Variants in STAU2 observed in about 807,000 individuals in gnomAD.
The protein encoded by STAU2 is double-stranded RNA-binding protein Staufen homolog 2.
Under a neutral mutation model 65.9 loss-of-function variants are expected in STAU2, and 20 were observed. The ratio of observed to expected loss-of-function variants is 0.30; its 90% CI spans 0.21 to 0.44. STAU2 has a LOEUF of 0.44. Among genes scored for constraint, STAU2 ranks in the 20% least tolerant of loss-of-function variants. STAU2 has a pLI of 1.00. For missense variants in STAU2, 558 were observed against 683.9 expected (o/e 0.82, Z 2.05); for synonymous variants, 232 against 233.9 (o/e 0.99, Z 0.07).
intron 13 of STAU2, among the ~76,000 whole-genome samples, chr8:73,464,190 A>G (rs1819523415): frequency 6.6e-6 from 1 of 152,150 alleles, no homozygotes; most frequent in South Asian, 2.1e-4. Context: ...GCTCCTAAGA[A>G]ACAGGCTGGC....
At chr8:73,523,021 C>T (rs1258806947) in intron 13 of STAU2, among the ~76,000 whole-genome samples, 1 of 151,796 alleles carries the variant, frequency 6.6e-6, no homozygotes, top group Non-Finnish European at 1.5e-5. Flanking sequence ...CATGGTGAAA[C>T]CCCGTCTCTA....
intron 10 of STAU2, among the ~76,000 whole-genome samples, chr8:73,598,142 G>GC (rs1303430261): frequency 6.6e-6 from 1 of 151,464 alleles, no homozygotes; most frequent in Non-Finnish European, 1.5e-5. Flanking sequence ...AGGAATGCAA[G>GC]TTTGGTTTAA....
intron 13 of STAU2, among the ~76,000 whole-genome samples, chr8:73,548,872 T>G (rs1463475276): frequency 6.6e-6 from 1 of 152,164 alleles, no homozygotes; most frequent in Non-Finnish European, 1.5e-5. Context: ...CACTTTCATT[T>G]TCAACCTAAT....
intron 13 of STAU2, chr8:73,550,247 AT>A (rs1807233690): frequency 1.0e-6 from 1 of 985,266 alleles, no homozygotes; most frequent in African/African-American, 1.7e-5. Flanking sequence ...AGAGTATATT[AT>A]GTAAGCATAA....
chr8:73,575,124 C>G (rs542949695), intron 12 of STAU2, among the ~76,000 whole-genome samples: 59 of 17,160 alleles, frequency 3.4e-3, no homozygotes, highest in African/African-American at 0.011. Flanking sequence ...ACAGTCCTAC[C>G]AAGTAAAAAA....
At chr8:73,630,176 G>C (rs1052802807) in intron 6 of STAU2, among the ~76,000 whole-genome samples, 1 of 152,066 alleles carries the variant, frequency 6.6e-6, no homozygotes, top group Non-Finnish European at 1.5e-5. Context: ...AAATCCTCTG[G>C]GGAATGCACT....
In STAU2 at chr8:73,709,052, T is replaced by C. The variant is rs910752437; in HGVS notation, c.94A>G (p.Arg32Gly). Reference protein sequence around the residue: ...VQPQYKLLNERGPAHSKMFSV... With the variant: ...VQPQYKLLNEGGPAHSKMFSV... ...CTTACCTTTGAATGAGCAGGCCCTCTTTCATTCAGAAGTTTATACTGGGGT... is the reference window on the plus strand; with the variant it reads ...CTTACCTTTGAATGAGCAGGCCCTCCTTCATTCAGAAGTTTATACTGGGGT... The change falls in exon 4 of 15, where the codon AGA (arginine) becomes GGA (glycine). Residue 32 changes from arginine to glycine, a missense_variant. Transcript: ENST00000524300. 11 of 1,529,762 alleles carry C rather than the reference T, an allele frequency of 7.2e-6. No individual in the cohort carries two copies. In the Admixed American group the frequency reaches 2.0e-4, roughly 28 times the overall value. 94.8% of individuals were successfully genotyped at this position (1,529,762 alleles called of 1,614,324 possible).
intron 13 of STAU2, among the ~76,000 whole-genome samples, chr8:73,442,353 CA>C (rs10606663): frequency 0.012 from 1,205 of 100,120 alleles, 2 homozygotes; most frequent in African/African-American, 0.028. Context: ...GACTCCGTCT[CA>C]AAAAAAAAAA....
At chr8:73,422,429 A>G (rs892554276) in intron 14 of STAU2, among the ~76,000 whole-genome samples, 185 bp downstream of exon 14, 1 of 152,250 alleles carries the variant, frequency 6.6e-6, no homozygotes, top group African/African-American at 2.4e-5. Flanking sequence ...ACTTTCACAG[A>G]AATATTACAG....
chr8:73,679,724 CA>C (rs200202936), intron 5 of STAU2, among the ~76,000 whole-genome samples: 10,971 of 137,280 alleles, frequency 0.08, 437 homozygotes, highest in Middle Eastern at 0.15. Context: ...ACTAAAAATA[CA>C]AAAAAAAAAA....
At chr8:73,594,793 A>G (rs1811068404) in intron 11 of STAU2, among the ~76,000 whole-genome samples, 1 of 152,186 alleles carries the variant, frequency 6.6e-6, no homozygotes, top group Non-Finnish European at 1.5e-5. Context: ...ATAAGTCAGA[A>G]TTTTTATTTC....
intron 5 of STAU2, among the ~76,000 whole-genome samples, chr8:73,679,978 ATTTTTTTTTTTTT>A (rs1160379353): frequency 2.5e-5 from 2 of 81,368 alleles, no homozygotes; most frequent in African/African-American, 4.8e-5. Flanking sequence ...TAGGGAAGCC[ATTTTTTTTTTTTT>A]TTTTTTTTTT....
chr8:73,676,532 G>A (rs1818038764), intron 5 of STAU2, among the ~76,000 whole-genome samples: 1 of 152,130 alleles, frequency 6.6e-6, no homozygotes, highest in African/African-American at 2.4e-5. Flanking sequence ...CACCAAAAAA[G>A]CGCTAACTAT....
At chr8:73,643,868 T>C (rs1815170388) in intron 6 of STAU2, among the ~76,000 whole-genome samples, 1 of 152,180 alleles carries the variant, frequency 6.6e-6, no homozygotes, top group Non-Finnish European at 1.5e-5. Context: ...TCATAACACA[T>C]TCTGAAGTGA....
chr8:73,471,817 T>TAAAAAAAAAAAAA (rs569600617), intron 13 of STAU2, among the ~76,000 whole-genome samples: 1 of 86,806 alleles, frequency 1.2e-5, no homozygotes. Flanking sequence ...AGACTCCAAC[T>TAAAAAAAAAAAAA]AAAAAAAAAA....
At chr8:73,558,566 C>T (rs1281283807) in intron 12 of STAU2, among the ~76,000 whole-genome samples, 1 of 152,180 alleles carries the variant, frequency 6.6e-6, no homozygotes, top group African/African-American at 2.4e-5. Context: ...CTTAGGAGAA[C>T]CTTGCCTTTC....
chr8:73,421,884 C>T (rs1308803439), intron 14 of STAU2, among the ~76,000 whole-genome samples: 1 of 151,262 alleles, frequency 6.6e-6, no homozygotes, highest in Non-Finnish European at 1.5e-5. Context: ...TGCATGTGTT[C>T]TGAGATCCTA....
In STAU2 at chr8:73,617,296, G is replaced by A. The variant is rs762987287; in HGVS notation, c.566C>T (p.Pro189Leu). 1 of 1,613,978 alleles carries A rather than the reference G, an allele frequency of 6.2e-7. No homozygotes were observed. The highest frequency in any genetic ancestry group is 1.7e-5 in the Admixed American group (1 of 60,018). The change falls in exon 7 of 15, where the codon CCT becomes CTT. Residue 189 changes from proline to leucine, a missense_variant. Around this residue, in one of 3 missense-constraint regions of STAU2, gnomAD observed 199 missense variants for 299.5 expected, o/e 0.66. Coordinates refer to ENST00000524300, the MANE Select transcript of STAU2 (RefSeq NM_001164380.2). ...TCACATGCAGCAGCACCACACCTGA[G>A]GAGATCTTTCTGGAATAGGTTCATT... Reference protein sequence around the residue: ...LQNEPIPERSPQNGESGKDVD... With the variant: ...LQNEPIPERSLQNGESGKDVD...
chr8:73,553,116 A>G (rs1455868607), intron 12 of STAU2, among the ~76,000 whole-genome samples: 3 of 152,230 alleles, frequency 2.0e-5, no homozygotes, highest in African/African-American at 4.8e-5. Flanking sequence ...AGCTTAAACC[A>G]TATTAGAGAA....
Sources: gnomAD v4.1 joint callset for allele counts (sites outside exome capture counted in the v4.1 genomes callset) on GRCh38, gnomAD v4.1.1 for gene constraint, gnomAD v4.1.1 regional missense constraint, MANE v1.5 for transcripts, NCBI Gene and HGNC (gene_info 2026-07-23, HGNC 2026-07-21) for gene names.